Variants in CCDC171 observed in about 807,000 individuals in gnomAD.
CCDC171 encodes the protein coiled-coil domain-containing protein 171.
In CCDC171, 177 loss-of-function variants were observed where a neutral mutation model predicts 168.2. The ratio of observed to expected loss-of-function variants is 1.05; its 90% CI spans 0.93 to 1.19. The LOEUF (loss-of-function observed/expected upper bound fraction) is 1.19, where lower values mean the gene tolerates loss of function less well. CCDC171 is among the 50% of genes most tolerant of loss of function. The probability of loss-of-function intolerance (pLI) is 0.00; values close to 1 mark genes in which losing one functional copy is unlikely to be tolerated. For missense variants in CCDC171, 1,991 were observed against 1,539.0 expected, an observed-to-expected ratio of 1.29 and a Z score of -4.91; for synonymous variants, 687 against 540.8, an observed-to-expected ratio of 1.27 and a Z score of -3.75.
At chr9:16,000,281 A>G (rs879184088) in intron 3 of CCDC171, among the ~76,000 whole-genome samples, 1 of 152,076 alleles carries the variant, frequency 6.6e-6, no homozygotes, top group Non-Finnish European at 1.5e-5. Context: ...TTCTTTCCGT[A>G]TTATTCTCTA....
intron 15 of CCDC171, among the ~76,000 whole-genome samples, chr9:15,728,473 A>G (rs951898655): frequency 6.6e-6 from 1 of 152,222 alleles, no homozygotes; most frequent in Non-Finnish European, 1.5e-5. Context: ...TGTTATTTTT[A>G]AAAGCTTAAA....
At chr9:15,753,144 G>C (rs1040196845) in intron 18 of CCDC171, among the ~76,000 whole-genome samples, 5 of 152,030 alleles carry the variant, frequency 3.3e-5, no homozygotes, top group Non-Finnish European at 7.4e-5. Flanking sequence ...TGTAATTAAG[G>C]GTGAGATGAA....
chr9:15,781,794 C>G (rs1332050793), intron 20 of CCDC171, among the ~76,000 whole-genome samples: 2 of 152,140 alleles, frequency 1.3e-5, no homozygotes, highest in East Asian at 1.9e-4. Flanking sequence ...ATCGTGTTGA[C>G]CAGGTATCAG....
At chr9:16,086,918 C>G in the CCDC171 span, among the ~76,000 whole-genome samples, 4 of 152,168 alleles carry the variant, frequency 2.6e-5, no homozygotes, top group African/African-American at 7.2e-5. Flanking sequence ...CACAGAGATT[C>G]TGGTATGTTG....
At chr9:15,781,734 G>C (rs2057678079) in intron 20 of CCDC171, among the ~76,000 whole-genome samples, 1 of 152,034 alleles carries the variant, frequency 6.6e-6, no homozygotes. Context: ...TTTATATATT[G>C]TCCTATAATT....
intron 6 of CCDC171, among the ~76,000 whole-genome samples, chr9:16,026,054 C>CTGT (rs1225423672): frequency 6.6e-6 from 1 of 152,232 alleles, no homozygotes; most frequent in Non-Finnish European, 1.5e-5. Flanking sequence ...CCAGGCTCAA[C>CTGT]TGTATGGTAA....
At chr9:15,749,697 C>G (rs914298913) in intron 18 of CCDC171, among the ~76,000 whole-genome samples, 1 of 152,212 alleles carries the variant, frequency 6.6e-6, no homozygotes, top group Non-Finnish European at 1.5e-5. Flanking sequence ...TACATGGAAA[C>G]TGAACAACCT....
intron 4 of CCDC171, among the ~76,000 whole-genome samples, chr9:15,580,372 C>G (rs2041014203): frequency 6.6e-6 from 1 of 151,992 alleles, no homozygotes; most frequent in Non-Finnish European, 1.5e-5. Context: ...GATCTTTAAA[C>G]TAAAATTAAA....
intron 1 of CCDC171, among the ~76,000 whole-genome samples, chr9:15,557,326 T>G (rs567844547): frequency 6.6e-6 from 1 of 152,270 alleles, no homozygotes; most frequent in Non-Finnish European, 1.5e-5. Context: ...ATAAATTACC[T>G]TGGGGAGTAT....
intron 1 of CCDC171, among the ~76,000 whole-genome samples, chr9:15,557,223 G>T (rs1168187721): frequency 6.6e-6 from 1 of 152,080 alleles, no homozygotes; most frequent in Non-Finnish European, 1.5e-5. Context: ...TGGCAATGTG[G>T]GCTCTTTTTT....
At chr9:15,572,815 C>T (rs1266042868) in intron 3 of CCDC171, among the ~76,000 whole-genome samples, 1 of 152,096 alleles carries the variant, frequency 6.6e-6, no homozygotes, top group Non-Finnish European at 1.5e-5. Flanking sequence ...CTCCATATTG[C>T]TTATGTTTAC....
At chr9:15,885,206 G>GT (rs1168027030) in intron 24 of CCDC171, among the ~76,000 whole-genome samples, 1 of 152,010 alleles carries the variant, frequency 6.6e-6, no homozygotes, top group Non-Finnish European at 1.5e-5. Flanking sequence ...GATGCAATTA[G>GT]TAAAAAACAA....
chr9:15,810,415 G>A (rs1336233516), intron 21 of CCDC171, among the ~76,000 whole-genome samples: 1 of 151,288 alleles, frequency 6.6e-6, no homozygotes, highest in Non-Finnish European at 1.5e-5. Context: ...CAGCCCTTGG[G>A]AGGTAAATGG....
At chr9:15,735,007 G>T (rs545652939) in intron 16 of CCDC171, among the ~76,000 whole-genome samples, 1 of 152,098 alleles carries the variant, frequency 6.6e-6, no homozygotes, top group Non-Finnish European at 1.5e-5. Context: ...CTAAATTAAA[G>T]TAAAAAACAA....
intron 18 of CCDC171, among the ~76,000 whole-genome samples, chr9:15,750,039 GT>G (rs141719913): frequency 0.013 from 1,941 of 146,336 alleles, 50 homozygotes; most frequent in African/African-American, 0.044. Flanking sequence ...TCCAGGAGCT[GT>G]TTTTTTTTTT....
chr9:15,607,465 C>CA (rs1554706335), intron 6 of CCDC171, among the ~76,000 whole-genome samples: 2 of 149,544 alleles, frequency 1.3e-5, no homozygotes, highest in Non-Finnish European at 3.0e-5. Context: ...ATATTTTTCA[C>CA]TTTTTTTTTT....
chr9:15,571,769 AT>A lies in CCDC171; in HGVS notation c.177+14del. The A allele has an allele frequency of 6.4e-7, 1 of 1,561,340 alleles. No individual in the cohort carries two copies. The highest frequency in any genetic ancestry group is 2.4e-5 in the East Asian group (1 of 42,178). On this transcript the variant is annotated intron_variant, in intron 3 of 25. Coordinates refer to ENST00000380701, the MANE Select transcript of CCDC171 (RefSeq NM_173550.4). ...CAAACACAATGCAGAGGTACGATTT[AT>A]TTTCCTCTCAAATAATGTTAAAAGT... is the stretch of plus-strand genomic sequence containing the variant.
chr9:15,569,997 T>A (rs1465027693), intron 2 of CCDC171, among the ~76,000 whole-genome samples: 1 of 151,984 alleles, frequency 6.6e-6, no homozygotes, highest in Non-Finnish European at 1.5e-5. Flanking sequence ...TGAGATGGAG[T>A]TTTGCTCTTG....
At chr9:15,772,428 C>CTA (rs2057062951) in intron 18 of CCDC171, among the ~76,000 whole-genome samples, 1 of 152,074 alleles carries the variant, frequency 6.6e-6, no homozygotes, top group South Asian at 2.1e-4. Flanking sequence ...AAACATCTTA[C>CTA]TATAGTGTTT....
Sources: allele counts gnomAD v4.1 joint callset (sites outside exome capture counted in the v4.1 genomes callset), GRCh38; gene constraint gnomAD v4.1.1; transcripts MANE v1.5; gene names NCBI Gene and HGNC (gene_info 2026-07-23, HGNC 2026-07-21).